The following ASTN2 variants were observed in gnomAD, a reference collection of about 807,000 sequenced individuals.
The protein encoded by ASTN2 is astrotactin-2.
A neutral mutation model predicts 139.8 loss-of-function variants in ASTN2; 54 were observed. The ratio of observed to expected loss-of-function variants is 0.39; its 90% CI spans 0.31 to 0.48. The LOEUF is 0.48. Among genes scored for constraint, ASTN2 ranks in the 20% least tolerant of loss-of-function variants. The pLI is 0.95. For synonymous variants in ASTN2, 756 were observed against 719.5 expected (o/e 1.05, Z -0.81); for missense variants, 1,565 against 1,725.1 (o/e 0.91, Z 1.64).
chr9:116,622,072 G>A (rs969735744), intron 17 of ASTN2, among the ~76,000 whole-genome samples: 8 of 152,080 alleles, frequency 5.3e-5, no homozygotes, highest in Non-Finnish European at 2.9e-5. Context: ...CTTTTGATAT[G>A]CTTTTAAATA....
At chr9:116,778,622 G>A (rs1297169074) in intron 13 of ASTN2, among the ~76,000 whole-genome samples, 3 of 152,098 alleles carry the variant, frequency 2.0e-5, no homozygotes, top group African/African-American at 7.2e-5. Context: ...TCCTTCCCCT[G>A]ATGACTAGCT....
chr9:116,882,335 CA>C (rs1228907406), intron 10 of ASTN2, among the ~76,000 whole-genome samples: 1 of 152,140 alleles, frequency 6.6e-6, no homozygotes, highest in Non-Finnish European at 1.5e-5. Flanking sequence ...GTATGGATTT[CA>C]AAAGACTTCA....
intron 6 of ASTN2, among the ~76,000 whole-genome samples, chr9:117,012,735 G>A (rs1837570748): frequency 6.6e-6 from 1 of 152,186 alleles, no homozygotes; most frequent in Non-Finnish European, 1.5e-5. Flanking sequence ...CAGAGTAAGT[G>A]GGAGTAAGTG....
intron 15 of ASTN2, 90 bp from the exon 16 acceptor site, chr9:116,726,040 T>C: frequency 6.8e-6 from 9 of 1,324,300 alleles, no homozygotes; most frequent in Non-Finnish European, 9.3e-6. Context: ...TCCCAACCTG[T>C]ATTTTGTGCC....
intron 6 of ASTN2, among the ~76,000 whole-genome samples, chr9:117,038,962 G>T (rs1838472934): frequency 6.6e-6 from 1 of 152,148 alleles, no homozygotes; most frequent in Admixed American, 6.6e-5. Flanking sequence ...TACAGGGAAT[G>T]AGCATATGAA....
intron 3 of ASTN2, among the ~76,000 whole-genome samples, chr9:117,160,014 T>C (rs1299733333): frequency 2.0e-5 from 3 of 151,962 alleles, no homozygotes; most frequent in African/African-American, 7.2e-5. Context: ...CACAAAGATA[T>C]GAAAGTCACA....
At chr9:116,453,224 T>A (rs541938237) in intron 20 of ASTN2, among the ~76,000 whole-genome samples, 2 of 152,262 alleles carry the variant, frequency 1.3e-5, no homozygotes, top group South Asian at 4.1e-4. Context: ...CATTTCCTGT[T>A]TCTAACATCT....
intron 3 of ASTN2, among the ~76,000 whole-genome samples, chr9:117,169,994 C>A (rs953273032): frequency 6.6e-6 from 1 of 152,046 alleles, no homozygotes; most frequent in Non-Finnish European, 1.5e-5. Context: ...AATCCCTGTT[C>A]CAGCACATCC....
At chr9:117,215,108 G>A (rs1351466784) in intron 2 of ASTN2, among the ~76,000 whole-genome samples, 3 of 152,018 alleles carry the variant, frequency 2.0e-5, no homozygotes, top group Non-Finnish European at 4.4e-5. Flanking sequence ...TCAGTGCTGC[G>A]GCTTCACACA....
At position 116,471,051 on chromosome 9, in the gene ASTN2, A is replaced by G. The variant is rs1240206989; in HGVS notation, c.3497+16308T>C. On this transcript the variant is annotated intron_variant, in intron 20 of 22. Transcript: ENST00000313400. ...TTTTCTTTTTTAAAATGATTTTTTA[A>G]ATTGATTTAATATCTGTGTAGAAGC... Among the ~76,000 whole-genome samples, 3 of 152,180 alleles carry G rather than the reference A, an allele frequency of 2.0e-5. No individual in the cohort carries two copies. In the East Asian group the frequency reaches 5.8e-4, roughly 29 times the overall value.
Position 117,198,880 on chromosome 9 carries a change from G to C in ASTN2, c.1015+15478C>G, listed in dbSNP as rs568794223. Among the ~76,000 whole-genome samples, 7 of 152,240 alleles carry C rather than the reference G, an allele frequency of 4.6e-5. No homozygotes were observed. The South Asian group carries it at 1.2e-3, about 27-fold the overall frequency. On this transcript the variant is annotated intron_variant, in intron 3 of 22. Coordinates refer to ENST00000313400, the MANE Select transcript of ASTN2 (RefSeq NM_001365068.1). ...TTGTGGTTTTGATTTGCATTTCTCT[G>C]ATGATCAGTGATGTTGGGCTGTTTT...
chr9:117,143,164 T>A (rs1259540585), intron 3 of ASTN2, among the ~76,000 whole-genome samples: 1 of 152,168 alleles, frequency 6.6e-6, no homozygotes, highest in Non-Finnish European at 1.5e-5. Context: ...ATTGCTAAGG[T>A]AAAAAGACAA....
chr9:116,723,550 A>G (rs1037517900), intron 16 of ASTN2, among the ~76,000 whole-genome samples: 1 of 152,110 alleles, frequency 6.6e-6, no homozygotes, highest in African/African-American at 2.4e-5. Context: ...CCTGGTTTCC[A>G]ACGTTTAGCA....
chr9:117,310,429 G>C (rs7867910), intron 1 of ASTN2, among the ~76,000 whole-genome samples: 56,422 of 151,928 alleles, frequency 0.37, 10,710 homozygotes, highest in East Asian at 0.45. Flanking sequence ...CTAGTACAGT[G>C]TAGTAAAGCA....
chr9:116,863,089 C>T (rs1300546278), intron 11 of ASTN2, among the ~76,000 whole-genome samples: 1 of 152,088 alleles, frequency 6.6e-6, no homozygotes, highest in Non-Finnish European at 1.5e-5. Context: ...CGCTCTTTCC[C>T]TAATGTAAGT....
intron 1 of ASTN2, among the ~76,000 whole-genome samples, chr9:117,333,600 T>C (rs1828785940): frequency 6.6e-6 from 1 of 152,162 alleles, no homozygotes; most frequent in Non-Finnish European, 1.5e-5. Flanking sequence ...CACATAAGAC[T>C]TCAATAAAAA....
rs145724100 is a variant in ASTN2, at chr9:116,885,731, G to T, written c.1890-21998C>A. Among the ~76,000 whole-genome samples the T allele has an allele frequency of 4.3e-3, 661 of 152,218 alleles. 1 individual carries two copies. The highest frequency in any genetic ancestry group is 7.0e-3 in the Non-Finnish European group (476 of 68,016). ...TTATCTCTAAATAGTCACTTTCTGA[G>T]GTACTAGGGGTTAGGACTTAACACA... On this transcript the variant is annotated intron_variant, in intron 10 of 22. Coordinates refer to ENST00000313400, the MANE Select transcript of ASTN2 (RefSeq NM_001365068.1).
chr9:116,766,920 C>T (rs1829826773), intron 13 of ASTN2, among the ~76,000 whole-genome samples: 1 of 151,810 alleles, frequency 6.6e-6, no homozygotes, highest in Non-Finnish European at 1.5e-5. Flanking sequence ...TTCATACTTA[C>T]ACATAAACAC....
intron 19 of ASTN2, among the ~76,000 whole-genome samples, chr9:116,558,364 T>C (rs572938835): frequency 2.9e-5 from 3 of 104,056 alleles, no homozygotes; most frequent in Admixed American, 9.8e-5. Context: ...TGGTCACTAC[T>C]TTTTTTTTTT....
Sources: allele counts gnomAD v4.1 joint callset (sites outside exome capture counted in the v4.1 genomes callset), GRCh38; gene constraint gnomAD v4.1.1; transcripts MANE v1.5; gene names NCBI Gene and HGNC (gene_info 2026-07-23, HGNC 2026-07-21).